PGAP4: variants seen among roughly 807,000 people sequenced by gnomAD.
The protein encoded by PGAP4 is post-GPI attachment to proteins GalNAc transferase 4, also known as GPI-N-acetylgalactosamine transferase PGAP4.
PGAP4 carries 12 observed loss-of-function variants against 28.2 expected under a neutral mutation model. The observed-to-expected ratio is 0.42, with a 90% CI of 0.27 to 0.69. PGAP4 has a LOEUF of 0.69. PGAP4 is among the 30% of genes least tolerant of loss of function. PGAP4 has a pLI of 0.22. For missense variants in PGAP4, 425 were observed against 513.5 expected, an observed-to-expected ratio of 0.83 and a Z score of 1.67; for synonymous variants, 205 against 211.8, an observed-to-expected ratio of 0.97 and a Z score of 0.28.
chr9:101,533,207 G>A (rs1180217193), exon 1 of PGAP4: 1 of 152,176 alleles, frequency 6.6e-6, no homozygotes, highest in African/African-American at 2.4e-5. Flanking sequence ...AAAGCACAAG[G>A]GCAGTAGTTG....
At chr9:101,520,717 C>T (rs1244021126) in intron 2 of PGAP4, among the ~76,000 whole-genome samples, 2 of 152,096 alleles carry the variant, frequency 1.3e-5, no homozygotes, top group African/African-American at 2.4e-5. Context: ...ATTTCTTTCT[C>T]GTGTCTGATT....
chr9:101,487,471 A>C (rs140148194), upstream of PGAP4, among the ~76,000 whole-genome samples: 1 of 152,250 alleles, frequency 6.6e-6, no homozygotes, highest in African/African-American at 2.4e-5. Context: ...GCCACGAGAG[A>C]CATAACGCCT....
At chr9:101,488,071 A>G (rs1206044567), upstream of PGAP4, among the ~76,000 whole-genome samples, 6 of 152,176 alleles carry the variant, frequency 3.9e-5, no homozygotes, top group Non-Finnish European at 7.4e-5. Context: ...TAAAATTGAT[A>G]CTAGATATTA....
upstream of PGAP4, among the ~76,000 whole-genome samples, chr9:101,487,951 A>G (rs1826649235): frequency 6.6e-6 from 1 of 152,170 alleles, no homozygotes; most frequent in Admixed American, 6.5e-5. Flanking sequence ...CACAAAACCT[A>G]AAATATTTAC....
chr9:101,506,869 C>T (rs1826852676), intron 2 of PGAP4, among the ~76,000 whole-genome samples: 1 of 150,700 alleles, frequency 6.6e-6, no homozygotes, highest in African/African-American at 2.5e-5. Flanking sequence ...CCCCAGTCTT[C>T]CCTGTAAAAA....
exon 1 of PGAP4, chr9:101,532,977 A>G (rs1002324147): frequency 6.6e-6 from 1 of 152,210 alleles, no homozygotes; most frequent in African/African-American, 2.4e-5. Context: ...GTCATTAGGT[A>G]GTTTATCATA....
chr9:101,506,749 C>T (rs2118600968), intron 2 of PGAP4, among the ~76,000 whole-genome samples: 1 of 152,112 alleles, frequency 6.6e-6, no homozygotes, highest in African/African-American at 2.4e-5. Flanking sequence ...AGCCTCTTCC[C>T]AAATTCCCTT....
chr9:101,481,106 A>G lies in PGAP4; in HGVS notation c.-77-3937T>C, dbSNP rs1265575087. On this transcript the variant is annotated intron_variant, in intron 1 of 1. Transcript: ENST00000374848. ...GCAGGAGGATTGCCTGAGCCCCAGCAGGTCGAGGCCGCAGTGAGCTGTGAT... is the reference window on the plus strand; with the variant it reads ...GCAGGAGGATTGCCTGAGCCCCAGCGGGTCGAGGCCGCAGTGAGCTGTGAT... Among the ~76,000 whole-genome samples the G allele has an allele frequency of 3.3e-5, 5 of 152,232 alleles. No individual in the cohort carries two copies. The East Asian group carries it at 9.6e-4, about 29-fold the overall frequency.
At chr9:101,493,761 T>A (rs961700794) in intron 2 of PGAP4, among the ~76,000 whole-genome samples, 1 of 152,176 alleles carries the variant, frequency 6.6e-6, no homozygotes, top group African/African-American at 2.4e-5. Context: ...TTTGGTGAAC[T>A]TTTGTACAGT....
At chr9:101,520,655 G>A (rs543309973) in intron 2 of PGAP4, among the ~76,000 whole-genome samples, 4 of 152,192 alleles carry the variant, frequency 2.6e-5, no homozygotes, top group African/African-American at 7.2e-5. Context: ...TGATCATATC[G>A]TCAGCAAACA....
intron 1 of PGAP4, among the ~76,000 whole-genome samples, chr9:101,483,836 T>C (rs1297106810): frequency 6.6e-6 from 1 of 152,088 alleles, no homozygotes; most frequent in African/African-American, 2.4e-5. Flanking sequence ...TACTACAAAA[T>C]TCTACCAAAG....
At chr9:101,487,982 G>C (rs1037380189), upstream of PGAP4, among the ~76,000 whole-genome samples, 1 of 152,114 alleles carries the variant, frequency 6.6e-6, no homozygotes, top group African/African-American at 2.4e-5. Context: ...GCCAACACCT[G>C]CTCTAAAAGG....
At chr9:101,510,911 CTTAA>C (rs1340592709) in intron 2 of PGAP4, among the ~76,000 whole-genome samples, 2 of 152,176 alleles carry the variant, frequency 1.3e-5, no homozygotes, top group African/African-American at 4.8e-5. Flanking sequence ...CCAGATGCAG[CTTAA>C]TTGTCACTTG....
At chr9:101,495,435 A>T (rs1024433927) in intron 2 of PGAP4, among the ~76,000 whole-genome samples, 4 of 135,074 alleles carry the variant, frequency 3.0e-5, no homozygotes, top group African/African-American at 1.1e-4. Context: ...CTTATATTTT[A>T]TATATAATAT....
chr9:101,525,258 AC>A (rs1484574918), intron 2 of PGAP4, among the ~76,000 whole-genome samples: 1 of 151,736 alleles, frequency 6.6e-6, no homozygotes, highest in Non-Finnish European at 1.5e-5. Context: ...TACATATTAA[AC>A]CCCCTTCATA....
intron 2 of PGAP4, among the ~76,000 whole-genome samples, chr9:101,525,133 A>C (rs1051888557): frequency 1.3e-5 from 2 of 152,180 alleles, no homozygotes; most frequent in African/African-American, 4.8e-5. Context: ...ATTCCCAGTA[A>C]TGGGATTGCT....
Position 101,496,438 on chromosome 9 carries a change from T to A in PGAP4, c.-164-7238A>T, listed in dbSNP as rs1196761316. Among the ~76,000 whole-genome samples the A allele has an allele frequency of 2.0e-5, 3 of 151,480 alleles. No homozygotes were observed. The East Asian group carries it at 5.8e-4, about 29-fold the overall frequency. On this transcript the variant is annotated intron_variant, in intron 2 of 3. Coordinates refer to the PGAP4 transcript ENST00000374851. ...TAGAATTAAAAATCAAAACTTGTAA[T>A]TTTAGTAAGAGCAAATTAATATTTT... is the stretch of plus-strand genomic sequence containing the variant.
intron 1 of PGAP4, chr9:101,532,655 C>T (rs559782781): frequency 1.3e-4 from 20 of 152,284 alleles, no homozygotes; most frequent in African/African-American, 4.1e-4. Context: ...CAATGCTTTT[C>T]GGCAGGTGTG....
At position 101,523,291 on chromosome 9, in the gene PGAP4, A is replaced by G. The variant is rs954560063; in HGVS notation, c.-165+8057T>C. ...AAAGTTTTCCTTGATTATTCCCCCA[A>G]ATATATTTTCCAAGCTTTTAGAATT... On this transcript the variant is annotated intron_variant, in intron 2 of 3. Coordinates refer to the PGAP4 transcript ENST00000374851. Among the ~76,000 whole-genome samples the G allele has an allele frequency of 1.6e-4, 25 of 152,100 alleles. 1 individual carries two copies. The highest frequency in any genetic ancestry group is 5.8e-4 in the African/African-American group (24 of 41,386).
Sources: allele counts gnomAD v4.1 joint callset (sites outside exome capture counted in the v4.1 genomes callset), GRCh38; gene constraint gnomAD v4.1.1; transcripts MANE v1.5; gene names NCBI Gene and HGNC (gene_info 2026-07-23, HGNC 2026-07-21).